Variants in BOD1L1 observed in about 807,000 individuals in gnomAD.
BOD1L1 encodes the protein biorientation of chromosomes in cell division 1 like 1.
BOD1L1 carries 86 observed loss-of-function variants against 240.7 expected under a neutral mutation model. The ratio of observed to expected loss-of-function variants is 0.36; its 90% CI spans 0.30 to 0.43. BOD1L1 has a LOEUF of 0.43. BOD1L1 is among the 20% of genes least tolerant of loss of function. The pLI is 1.00. For synonymous variants in BOD1L1, 1,268 were observed against 1,272.3 expected, an observed-to-expected ratio of 1.00 and a Z score of 0.07; for missense variants, 3,554 against 3,643.5, an observed-to-expected ratio of 0.98 and a Z score of 0.63.
Position 13,604,903 on chromosome 4 carries a change from C to T in BOD1L1, c.1997G>A (p.Gly666Glu), listed in dbSNP as rs1715563722. 1.2e-6 allele frequency: 2 copies of T among 1,613,280 alleles called. No homozygotes were observed. Among genetic ancestry groups the T allele is most frequent in the South Asian group, 2.2e-5 (2 of 90,894 alleles). ...TCTTGTGTCAGTCTCTTCCTGTACC[C>T]CCTCCATGATAACAGGGGTAGATGT... ...RRTSTPVIMEGVQEETDTRDV... is the reference protein window; with the variant it reads ...RRTSTPVIMEEVQEETDTRDV... Residue 666 changes from glycine to glutamate, a missense_variant, in exon 10 of 26, where the codon GGG (glycine) becomes GAG (glutamate). Coordinates refer to ENST00000040738, the MANE Select transcript of BOD1L1 (RefSeq NM_148894.3).
Position 13,609,277 on chromosome 4 carries a change from A to G in BOD1L1, c.1603+18T>C, listed in dbSNP as rs1266667471. 5.0e-6 allele frequency: 7 copies of G among 1,393,534 alleles called. No individual in the cohort carries two copies. The South Asian group carries it at 8.1e-5, about 16-fold the overall frequency. The allele number at this position is 1,393,534 out of a possible 1,614,324, so 86.3% of individuals were successfully genotyped here. On this transcript the variant is annotated intron_variant, in intron 7 of 25. Transcript: ENST00000040738. ...AATATATGAGATAGTTTAAAATATT[A>G]AAAGTTGACATCTATACCTTGACCC...
At chr4:13,587,925 C>G (rs1434178810) in intron 15 of BOD1L1, among the ~76,000 whole-genome samples, 154 bp from the exon 16 acceptor site, 1 of 152,134 alleles carries the variant, frequency 6.6e-6, no homozygotes, top group Non-Finnish European at 1.5e-5. Context: ...GTGGCTCACA[C>G]CTGTAATCCC....
intron 1 of BOD1L1, among the ~76,000 whole-genome samples, chr4:13,620,271 C>T (rs1431581367): frequency 6.6e-6 from 1 of 152,238 alleles, no homozygotes; most frequent in East Asian, 1.9e-4. Flanking sequence ...AAGAAAGATA[C>T]ACCTCTTATT....
rs1421283356 is a variant in BOD1L1, at chr4:13,569,012, T to C, written c.*999A>G. 1 of 152,196 alleles carries C rather than the reference T, an allele frequency of 6.6e-6. No individual in the cohort carries two copies. The highest frequency in any genetic ancestry group is 1.5e-5 in the Non-Finnish European group (1 of 68,038). The allele number at this position is 152,196 out of a possible 1,614,324, so 9.4% of individuals were successfully genotyped here. ...TTGGACAGTTTGCTCATATGAGAGT[T>C]AAAACATGTTTAAAAAAACACTTGG... On this transcript the variant is annotated 3_prime_UTR_variant, in exon 26 of 26. Transcript: ENST00000040738.
Position 13,569,842 on chromosome 4 carries a change from A to G in BOD1L1, c.*169T>C. On this transcript the variant is annotated 3_prime_UTR_variant, in exon 26 of 26. Transcript: ENST00000040738. ...TAAATGTACATAATATCTTCTATGA[A>G]CAATAGTTTATAAAGCTGTTTAAAA... 1 of 417,688 alleles carries G rather than the reference A, an allele frequency of 2.4e-6. No homozygotes were observed. The highest frequency in any genetic ancestry group is 4.2e-6 in the Non-Finnish European group (1 of 236,406). The allele number at this position is 417,688 out of a possible 1,614,324, so 25.9% of individuals were successfully genotyped here. A position where few individuals can be genotyped will look rare whatever the true frequency, so the allele number is the denominator to read the frequency against.
At position 13,602,912 on chromosome 4, in the gene BOD1L1, GACT is replaced by G; in HGVS notation, c.3985_3987del (p.Ser1329del). Reference sequence around the variant, plus strand: ...AGGACTTCTGATTCCCTAACAGTCAGACTTTGGTTAGGGAGAGCAGAGTGATCC... The same window carrying G: ...AGGACTTCTGATTCCCTAACAGTCAGTTGGTTAGGGAGAGCAGAGTGATCC... On this transcript the variant is annotated inframe_deletion, in exon 10 of 26. Coordinates refer to ENST00000040738, the MANE Select transcript of BOD1L1 (RefSeq NM_148894.3). The G allele has an allele frequency of 1.2e-6, 2 of 1,614,000 alleles. No individual in the cohort carries two copies. Among genetic ancestry groups the G allele is most frequent in the South Asian group, 2.2e-5 (2 of 91,080 alleles).
chr4:13,584,679 T>G (rs894132361), intron 17 of BOD1L1, among the ~76,000 whole-genome samples: 3 of 152,208 alleles, frequency 2.0e-5, no homozygotes, highest in Non-Finnish European at 4.4e-5. Flanking sequence ...AAGCACTTAA[T>G]CAGATCCTGA....
At position 13,603,066 on chromosome 4, in the gene BOD1L1, T is replaced by C. The variant is rs780325432; in HGVS notation, c.3834A>G (p.Leu1278=). The part of the protein sequence containing the change: ...GDATLEHSTN[L]DSSPSLSSVT... Reference sequence around the variant, plus strand: ...CTGAACTTAAGGATGGTGAGGAGTCTAAATTTGTGGAATGTTCAAGAGTGG... The same window carrying C: ...CTGAACTTAAGGATGGTGAGGAGTCCAAATTTGTGGAATGTTCAAGAGTGG... Residue 1278 remains leucine (L), a synonymous_variant, in exon 10 of 26, where the codon TTA becomes TTG. Transcript: ENST00000040738. 351 of 1,613,882 alleles carry C rather than the reference T, an allele frequency of 2.2e-4. 4 individuals are homozygous for C. The highest frequency in any genetic ancestry group is 1.6e-4 in the Non-Finnish European group (187 of 1,179,896).
rs754702803 is a variant in BOD1L1, at chr4:13,601,624, C to T, written c.5276G>A (p.Gly1759Asp). 3.7e-6 allele frequency: 6 copies of T among 1,613,890 alleles called. No homozygotes were observed. The highest frequency in any genetic ancestry group is 2.7e-5 in the African/African-American group (2 of 74,926). Residue 1759 changes from glycine (G) to aspartate (D), a missense_variant, in exon 10 of 26, where the codon GGT (glycine) becomes GAT (aspartate). Gly to Asp is a moderately conservative substitution (Grantham distance 94, BLOSUM62 -1). Transcript: ENST00000040738. ...TGCATCATTATCTCCCAGGACAACACCTGCACCTGTAACCATGCGTTCCTC... is the reference window on the plus strand; with the variant it reads ...TGCATCATTATCTCCCAGGACAACATCTGCACCTGTAACCATGCGTTCCTC... ...PREERMVTGA[G>D]VVLGDNDAPP... is the part of the protein sequence containing the mutation.
intron 14 of BOD1L1, among the ~76,000 whole-genome samples, chr4:13,589,388 C>G (rs1196366679): frequency 6.6e-6 from 1 of 152,104 alleles, no homozygotes; most frequent in Non-Finnish European, 1.5e-5. Context: ...TTCAAAATAC[C>G]TACATGTGCA....
chr4:13,581,324 G>C lies in BOD1L1; in HGVS notation c.8593-117C>G, dbSNP rs565540499. 3 of 686,140 alleles carry C rather than the reference G, an allele frequency of 4.4e-6. No homozygotes were observed. In the African/African-American group the frequency reaches 5.5e-5, roughly 13 times the overall value. The allele number at this position is 686,140 out of a possible 1,614,324, so 42.5% of individuals were successfully genotyped here. A position where few individuals can be genotyped will look rare whatever the true frequency, so the allele number is the denominator to read the frequency against. On this transcript the variant is annotated intron_variant, in intron 19 of 25. Coordinates refer to ENST00000040738, the MANE Select transcript of BOD1L1 (RefSeq NM_148894.3). Reference sequence around the variant, plus strand: ...CCTGTCTAAGAGACCTCAAATCCTAGCTTTGTCACTTTAAAAATATGTGAT... The same window carrying C: ...CCTGTCTAAGAGACCTCAAATCCTACCTTTGTCACTTTAAAAATATGTGAT...
Position 13,614,661 on chromosome 4 carries a change from G to A in BOD1L1, c.709C>T (p.Leu237Phe). The change falls in exon 4 of 26, where the codon CTT becomes TTT. Residue 237 changes from leucine (L) to phenylalanine (F), a missense_variant. Physicochemically the swap from Leu to Phe is conservative, Grantham distance 22 (BLOSUM62 0). This residue lies in a region of BOD1L1 where 3,393 missense variants were observed against 3,427.1 expected (regional missense o/e 0.99). Transcript: ENST00000040738. ...AKTSERASKK[L>F]PSQPTTDTST... ...GTATCAGTGGTTGGCTGAGATGGAA[G>A]TTTTTTTGACGCTCTCTCACTGGTC... is the stretch of plus-strand genomic sequence containing the variant. 1 of 1,613,808 alleles carries A rather than the reference G, an allele frequency of 6.2e-7. No individual in the cohort carries two copies. Among genetic ancestry groups the A allele is most frequent in the Non-Finnish European group, 8.5e-7 (1 of 1,179,836 alleles).
chr4:13,573,438 G>GTCTA (rs1403849969), intron 25 of BOD1L1, among the ~76,000 whole-genome samples: 652 of 46,408 alleles, frequency 0.014, 4 homozygotes, highest in Middle Eastern at 0.065. Context: ...CTGTCTGTCT[G>GTCTA]TCTGTCTATC....
chr4:13,610,478 G>A (rs1481952970), intron 6 of BOD1L1, among the ~76,000 whole-genome samples: 3 of 152,198 alleles, frequency 2.0e-5, no homozygotes, highest in Admixed American at 1.3e-4. Context: ...CAAGTGGAAA[G>A]TTCCACACCT....
chr4:13,611,286 A>G (rs1464690225), intron 5 of BOD1L1, among the ~76,000 whole-genome samples, 186 bp from the exon 6 acceptor site: 1 of 152,236 alleles, frequency 6.6e-6, no homozygotes, highest in Non-Finnish European at 1.5e-5. Flanking sequence ...AGCTTCTCAC[A>G]CATAAATAAG....
In BOD1L1 at chr4:13,604,767, T is replaced by C. The variant is rs1401044522; in HGVS notation, c.2133A>G (p.Pro711=). 9 of 1,613,378 alleles carry C rather than the reference T, an allele frequency of 5.6e-6. No homozygotes were observed. The highest frequency in any genetic ancestry group is 1.1e-5 in the South Asian group (1 of 90,854). Residue 711 remains proline (P), a synonymous_variant, in exon 10 of 26, where the codon CCA becomes CCG. Transcript: ENST00000040738. The part of the protein sequence containing the change: ...KHLKKDDSET[P]HLKSLLKKEV... ...CTTTCTTAAGTAGGCTTTTCAAATG[T>C]GGTGTTTCAGAATCATCTTTCTTTA...
chr4:13,597,236 G>T, intron 10 of BOD1L1, 68 bp from the exon 11 acceptor site: 1 of 1,194,892 alleles, frequency 8.4e-7, no homozygotes, highest in Non-Finnish European at 1.2e-6. Flanking sequence ...GGGTCAAAAA[G>T]TAATGGAATG....
At position 13,611,045 on chromosome 4, in the gene BOD1L1, T is replaced by C. The variant is rs1716121701; in HGVS notation, c.1380A>G (p.Glu460=). ...CATGCCGTACACTTTTTGTTTTTCCTTCACTAGAATCACTAGTTTGAGTTT... is the reference window on the plus strand; with the variant it reads ...CATGCCGTACACTTTTTGTTTTTCCCTCACTAGAATCACTAGTTTGAGTTT... The part of the protein sequence containing the change: ...KTKTQTSDSS[E]GKTKSVRHAY... The change falls in exon 6 of 26, where the codon GAA becomes GAG. Residue 460 remains glutamate, a synonymous_variant. Transcript: ENST00000040738. The C allele has an allele frequency of 3.1e-6, 5 of 1,611,888 alleles. No homozygotes were observed. Among genetic ancestry groups the C allele is most frequent in the Non-Finnish European group, 3.4e-6 (4 of 1,178,476 alleles).
chr4:13,611,191 G>A (rs1716142619), intron 5 of BOD1L1, 91 bp from the exon 6 acceptor site: 1 of 882,204 alleles, frequency 1.1e-6, no homozygotes, highest in Non-Finnish European at 1.7e-6. Flanking sequence ...AAGATGAATT[G>A]GAGGTCCAAA....
Sources: gnomAD v4.1 joint callset for allele counts (sites outside exome capture counted in the v4.1 genomes callset) on GRCh38, gnomAD v4.1.1 for gene constraint, gnomAD v4.1.1 regional missense constraint, MANE v1.5 for transcripts, NCBI Gene and HGNC (gene_info 2026-07-23, HGNC 2026-07-21) for gene names.